Variants in SAMD12 observed in about 807,000 individuals in gnomAD.
SAMD12 encodes sterile alpha motif domain containing 12, also known as sterile alpha motif domain-containing protein 12.
A neutral mutation model predicts 15.0 loss-of-function variants in SAMD12; 9 were observed. The observed-to-expected ratio is 0.60, with a 90% confidence interval of 0.36 to 1.05. The LOEUF (loss-of-function observed/expected upper bound fraction) is 1.05, where lower values mean the gene tolerates loss of function less well. Among genes scored for constraint, SAMD12 ranks in the 50% least tolerant of loss-of-function variants. The pLI is 0.01. For missense variants in SAMD12, 230 were observed against 234.2 expected (o/e 0.98, Z 0.12); for synonymous variants, 86 against 90.1 (o/e 0.96, Z 0.25).
intron 4 of SAMD12, among the ~76,000 whole-genome samples, chr8:118,219,537 C>T (rs1219249955): frequency 6.6e-6 from 1 of 152,186 alleles, no homozygotes; most frequent in Non-Finnish European, 1.5e-5. Flanking sequence ...TCTATTATCC[C>T]TCCCTTTGAG....
In SAMD12 at chr8:118,345,320, C is replaced by T. The variant is rs79730214; in HGVS notation, c.433+34240G>A. ...TCTAGGTTACTGTAAGCACACACTG[C>T]GATGCTCACACAATGAAATTATCTA... On this transcript the variant is annotated intron_variant, in intron 4 of 4. Transcript: ENST00000409003. Among the ~76,000 whole-genome samples, 101 of 152,236 alleles carry T rather than the reference C, an allele frequency of 6.6e-4. 2 individuals are homozygous for T. In the East Asian group the frequency reaches 0.014, roughly 22 times the overall value.
At chr8:118,594,932 A>G (rs1187897656) in intron 1 of SAMD12, among the ~76,000 whole-genome samples, 1 of 152,192 alleles carries the variant, frequency 6.6e-6, no homozygotes, top group Non-Finnish European at 1.5e-5. Flanking sequence ...GTTTATCTGC[A>G]CTACTCAGGG....
At chr8:118,539,881 G>A (rs751147556) in intron 2 of SAMD12, among the ~76,000 whole-genome samples, 5 of 152,194 alleles carry the variant, frequency 3.3e-5, no homozygotes, top group Non-Finnish European at 5.9e-5. Flanking sequence ...AAAACCTGGA[G>A]ACAGAATACT....
the SAMD12 span, among the ~76,000 whole-genome samples, chr8:118,164,088 G>A: frequency 6.6e-6 from 1 of 152,156 alleles, no homozygotes; most frequent in African/African-American, 2.4e-5. Flanking sequence ...ACAACCAGGA[G>A]GAGCAGGAGG....
intron 4 of SAMD12, among the ~76,000 whole-genome samples, chr8:118,220,358 C>T (rs1004971500): frequency 1.2e-4 from 18 of 152,098 alleles, no homozygotes; most frequent in Non-Finnish European, 1.5e-5. Context: ...ATAATCTGGC[C>T]ATGATTCTGT....
chr8:118,258,320 A>T (rs1813000289), intron 4 of SAMD12, among the ~76,000 whole-genome samples: 1 of 152,126 alleles, frequency 6.6e-6, no homozygotes, highest in Non-Finnish European at 1.5e-5. Context: ...CTTTCATTAT[A>T]AACCACTTTC....
intron 4 of SAMD12, among the ~76,000 whole-genome samples, chr8:118,365,692 T>C (rs766935516): frequency 2.0e-5 from 3 of 152,100 alleles, no homozygotes; most frequent in Non-Finnish European, 4.4e-5. Flanking sequence ...CCAATTCCCA[T>C]AATAAATCTC....
chr8:118,398,494 G>C (rs73327559), intron 3 of SAMD12, among the ~76,000 whole-genome samples: 2,355 of 152,294 alleles, frequency 0.015, 56 homozygotes, highest in African/African-American at 0.051. Context: ...TGTTTTTCCA[G>C]ATCTAAAGCT....
intron 4 of SAMD12, among the ~76,000 whole-genome samples, chr8:118,301,344 A>T (rs190486117): frequency 5.9e-5 from 9 of 152,296 alleles, no homozygotes; most frequent in Admixed American, 2.0e-4. Context: ...GTCACGATGG[A>T]AATGGTTCTC....
chr8:118,179,227 C>T, the SAMD12 span, among the ~76,000 whole-genome samples: 12,590 of 152,012 alleles, frequency 0.083, 805 homozygotes, highest in African/African-American at 0.19. Flanking sequence ...CACCTGAGGT[C>T]GGGAGTTTGA....
chr8:118,537,780 G>A (rs1002104854), intron 2 of SAMD12, among the ~76,000 whole-genome samples: 2 of 152,128 alleles, frequency 1.3e-5, no homozygotes, highest in African/African-American at 2.4e-5. Flanking sequence ...ACCCGGAATC[G>A]CTGTTTCTCC....
At chr8:118,543,988 T>C (rs1826056687) in intron 2 of SAMD12, among the ~76,000 whole-genome samples, 1 of 152,172 alleles carries the variant, frequency 6.6e-6, no homozygotes, top group Admixed American at 6.5e-5. Context: ...CTTTTGGCTC[T>C]CTCTGCATAT....
At chr8:118,565,610 T>C (rs191223049) in intron 2 of SAMD12, among the ~76,000 whole-genome samples, 1 of 152,322 alleles carries the variant, frequency 6.6e-6, no homozygotes, top group African/African-American at 2.4e-5. Flanking sequence ...AGTTGAGATC[T>C]CTTTGGAAAC....
chr8:118,397,184 G>A (rs892924395), intron 3 of SAMD12, among the ~76,000 whole-genome samples: 4 of 152,172 alleles, frequency 2.6e-5, no homozygotes, highest in Non-Finnish European at 4.4e-5. Flanking sequence ...TAGCTTGGGA[G>A]CCACCATCAT....
the SAMD12 span, among the ~76,000 whole-genome samples, chr8:118,133,955 G>A: frequency 3.0e-3 from 457 of 152,330 alleles, 3 homozygotes; most frequent in African/African-American, 0.01. Flanking sequence ...ACAAGGGAAT[G>A]AAAATATTGG....
intron 4 of SAMD12, among the ~76,000 whole-genome samples, chr8:118,261,583 T>A (rs1324368978): frequency 1.3e-5 from 2 of 152,110 alleles, no homozygotes. Context: ...ATGCCTGCTG[T>A]TAATGTGAAA....
intron 2 of SAMD12, among the ~76,000 whole-genome samples, chr8:118,551,803 G>A (rs1021981689): frequency 2.0e-5 from 3 of 151,902 alleles, no homozygotes; most frequent in Non-Finnish European, 1.5e-5. Context: ...GAAAAAAAGA[G>A]AGAAGAATCA....
At chr8:118,341,726 G>A (rs1303317187) in intron 4 of SAMD12, among the ~76,000 whole-genome samples, 2 of 152,168 alleles carry the variant, frequency 1.3e-5, no homozygotes, top group Non-Finnish European at 2.9e-5. Flanking sequence ...ACCTCCAAAT[G>A]CCATCAGATT....
intron 2 of SAMD12, among the ~76,000 whole-genome samples, chr8:118,550,999 C>T (rs1177556198): frequency 5.9e-5 from 9 of 151,792 alleles, no homozygotes; most frequent in Non-Finnish European, 1.2e-4. Context: ...TATATATGCA[C>T]CCAATACAGG....
Sources: gnomAD v4.1 joint callset for allele counts (sites outside exome capture counted in the v4.1 genomes callset) on GRCh38, gnomAD v4.1.1 for gene constraint, MANE v1.5 for transcripts, NCBI Gene and HGNC (gene_info 2026-07-23, HGNC 2026-07-21) for gene names.